NKAIN3: variants seen among roughly 807,000 people sequenced by gnomAD.
NKAIN3 encodes sodium/potassium-transporting ATPase subunit beta-1-interacting protein 3.
A neutral mutation model predicts 30.2 loss-of-function variants in NKAIN3; 25 were observed. The ratio of observed to expected loss-of-function variants is 0.83; its 90% confidence interval spans 0.60 to 1.16. NKAIN3 has a LOEUF of 1.16. NKAIN3 is among the 50% of genes most tolerant of loss of function. The probability of loss-of-function intolerance (pLI) is 0.00; values close to 1 mark genes in which losing one functional copy is unlikely to be tolerated. For synonymous variants in NKAIN3, 91 were observed against 89.6 expected (o/e 1.02, Z -0.09); for missense variants, 225 against 254.1 (o/e 0.89, Z 0.78).
intron 1 of NKAIN3, among the ~76,000 whole-genome samples, chr8:62,443,719 T>A (rs530877516): frequency 6.6e-6 from 1 of 152,240 alleles, no homozygotes; most frequent in East Asian, 1.9e-4. Context: ...ACCACAATTG[T>A]CAATTAGTTA....
chr8:62,712,878 A>C (rs1051043234), intron 3 of NKAIN3, among the ~76,000 whole-genome samples: 1 of 152,154 alleles, frequency 6.6e-6, no homozygotes, highest in Non-Finnish European at 1.5e-5. Context: ...CCTGCTAGGG[A>C]ACCCAGCCAG....
chr8:62,348,341 T>A (rs1339984842), intron 1 of NKAIN3, among the ~76,000 whole-genome samples: 1 of 152,170 alleles, frequency 6.6e-6, no homozygotes, highest in Non-Finnish European at 1.5e-5. Context: ...ATGACATAAT[T>A]TTTTAGGCAT....
downstream of NKAIN3, chr8:62,985,013 A>T (rs1414796992): frequency 6.6e-6 from 1 of 152,164 alleles, no homozygotes; most frequent in Non-Finnish European, 1.5e-5. Flanking sequence ...ATTTTGGAGG[A>T]TTACCCCCCT....
At chr8:62,767,073 T>G (rs1816861617) in intron 4 of NKAIN3, among the ~76,000 whole-genome samples, 1 of 152,156 alleles carries the variant, frequency 6.6e-6, no homozygotes, top group African/African-American at 2.4e-5. Context: ...TTCCCCTAAC[T>G]TTTTATAATA....
At chr8:62,567,495 A>G (rs1339539024) in intron 1 of NKAIN3, among the ~76,000 whole-genome samples, 2 of 152,190 alleles carry the variant, frequency 1.3e-5, no homozygotes, top group Non-Finnish European at 2.9e-5. Context: ...AGATGAAATT[A>G]AGTATTTAGC....
chr8:62,881,018 G>A (rs531099210), intron 4 of NKAIN3, among the ~76,000 whole-genome samples: 28 of 152,046 alleles, frequency 1.8e-4, no homozygotes, highest in African/African-American at 5.1e-4. Context: ...TGCTATGACC[G>A]TAAAACTGTT....
At chr8:62,441,850 C>T (rs1287712672) in intron 1 of NKAIN3, among the ~76,000 whole-genome samples, 1 of 151,902 alleles carries the variant, frequency 6.6e-6, no homozygotes, top group Non-Finnish European at 1.5e-5. Flanking sequence ...ACCAAATCAC[C>T]CCATTGTGTT....
intron 4 of NKAIN3, among the ~76,000 whole-genome samples, chr8:62,894,471 T>C (rs997979580): frequency 6.6e-6 from 1 of 152,156 alleles, no homozygotes; most frequent in African/African-American, 2.4e-5. Flanking sequence ...TATTGTTTAT[T>C]TATTATTATT....
intron 3 of NKAIN3, among the ~76,000 whole-genome samples, chr8:62,670,553 T>A (rs1371569003): frequency 6.6e-6 from 1 of 152,134 alleles, no homozygotes; most frequent in African/African-American, 2.4e-5. Context: ...AGTGGAAATG[T>A]GTGCTGCGTT....
In NKAIN3 at chr8:62,917,442, C is replaced by T. The variant is rs139937217; in HGVS notation, c.472-1011C>T. 8.5e-3 allele frequency among the ~76,000 whole-genome samples: 1,290 copies of T among 152,274 alleles called. 23 individuals carry two copies. The highest frequency in any genetic ancestry group is 0.03 in the African/African-American group (1,246 of 41,542). Reference sequence around the variant, plus strand: ...GACCTCACCCTAAACTTTTCCCTAACCTCTCACCCTCTCAGGGCTTCTTGG... The same window carrying T: ...GACCTCACCCTAAACTTTTCCCTAATCTCTCACCCTCTCAGGGCTTCTTGG... On this transcript the variant is annotated intron_variant, in intron 4 of 6. Transcript: ENST00000623646.
intron 4 of NKAIN3, among the ~76,000 whole-genome samples, chr8:62,782,972 A>T (rs1340377841): frequency 6.6e-6 from 1 of 152,012 alleles, no homozygotes; most frequent in Non-Finnish European, 1.5e-5. Flanking sequence ...CATAGAAATG[A>T]TACTCAAGGT....
At chr8:62,892,098 A>C (rs771412151) in intron 4 of NKAIN3, among the ~76,000 whole-genome samples, 1 of 152,226 alleles carries the variant, frequency 6.6e-6, no homozygotes, top group Admixed American at 6.5e-5. Context: ...GCCTTAATTC[A>C]TTTTAGCAAG....
Position 62,780,174 on chromosome 8 carries a change from C to A in NKAIN3, c.471+33045C>A, listed in dbSNP as rs138345922. On this transcript the variant is annotated intron_variant, in intron 4 of 6. Coordinates refer to ENST00000623646, the MANE Select transcript of NKAIN3 (RefSeq NM_001304533.3). ...ACTATTATGAACCATTATAAGCTAA[C>A]AAACTGGAAAACCCTGAGGAAATGG... 2.7e-3 allele frequency among the ~76,000 whole-genome samples: 418 copies of A among 152,098 alleles called. 3 individuals carry two copies. The highest frequency in any genetic ancestry group is 9.7e-3 in the African/African-American group (403 of 41,532).
intron 1 of NKAIN3, among the ~76,000 whole-genome samples, chr8:62,322,101 C>G (rs1183613410): frequency 2.0e-5 from 3 of 152,170 alleles, no homozygotes; most frequent in Non-Finnish European, 4.4e-5. Context: ...ATGAGTGAGG[C>G]TCTGTGGGCG....
intron 4 of NKAIN3, among the ~76,000 whole-genome samples, chr8:62,843,977 A>T (rs1043040350): frequency 6.6e-6 from 1 of 152,160 alleles, no homozygotes; most frequent in Non-Finnish European, 1.5e-5. Flanking sequence ...CCCATTTGTC[A>T]GTAGGAGTCC....
At chr8:62,679,423 T>C (rs1813582641) in intron 3 of NKAIN3, among the ~76,000 whole-genome samples, 2 of 152,196 alleles carry the variant, frequency 1.3e-5, no homozygotes, top group African/African-American at 4.8e-5. Flanking sequence ...CCTCCAAAGA[T>C]GACCTCATCC....
chr8:62,939,966 C>A (rs189468213), intron 5 of NKAIN3, among the ~76,000 whole-genome samples: 1 of 152,058 alleles, frequency 6.6e-6, no homozygotes, highest in Admixed American at 6.5e-5. Flanking sequence ...TACAGAATGG[C>A]AGAATGGATA....
chr8:62,980,672 A>G lies in NKAIN3; in HGVS notation c.*15265A>G, dbSNP rs946694171. ...CTTTTTATTTTTGACATGTATCTAA[A>G]CCAGAAAAAAATATTCCTTGTACAT... On this transcript the variant is annotated 3_prime_UTR_variant, in exon 7 of 7. Transcript: ENST00000623646. The G allele has an allele frequency of 6.6e-6, 1 of 152,178 alleles. No individual in the cohort carries two copies. The highest frequency in any genetic ancestry group is 2.4e-5 in the African/African-American group (1 of 41,432). 9.4% of individuals were successfully genotyped at this position (152,178 alleles called of 1,614,324 possible). A position where few individuals can be genotyped will look rare whatever the true frequency, so the allele number is the denominator to read the frequency against.
intron 1 of NKAIN3, among the ~76,000 whole-genome samples, chr8:62,374,351 A>C (rs1386739127): frequency 6.6e-6 from 1 of 152,156 alleles, no homozygotes; most frequent in African/African-American, 2.4e-5. Context: ...AAGAATATTC[A>C]TAAGTACTGG....
Sources: gnomAD v4.1 joint callset for allele counts (sites outside exome capture counted in the v4.1 genomes callset) on GRCh38, gnomAD v4.1.1 for gene constraint, MANE v1.5 for transcripts, NCBI Gene and HGNC (gene_info 2026-07-23, HGNC 2026-07-21) for gene names.